YTHDC2: variants seen among roughly 807,000 people sequenced by gnomAD.
YTHDC2 encodes the protein YTH N6-methyladenosine RNA binding protein C2, also known as 3'-5' RNA helicase YTHDC2.
YTHDC2 carries 45 observed loss-of-function variants against 174.9 expected under a neutral mutation model. The observed-to-expected ratio is 0.26, with a 90% CI of 0.20 to 0.33. The LOEUF (loss-of-function observed/expected upper bound fraction) is 0.33, where lower values mean the gene tolerates loss of function less well. Among genes scored for constraint, YTHDC2 ranks in the 10% least tolerant of loss-of-function variants. The pLI, the probability that YTHDC2 is intolerant of heterozygous loss-of-function variation, is 1.00. For missense variants in YTHDC2, 1,650 were observed against 1,723.7 expected (o/e 0.96, Z 0.76); for synonymous variants, 657 against 574.5 (o/e 1.14, Z -2.05).
intron 2 of YTHDC2, among the ~76,000 whole-genome samples, chr5:113,522,096 A>G (rs921336199): frequency 1.3e-5 from 2 of 151,020 alleles, no homozygotes; most frequent in East Asian, 3.9e-4. Context: ...TATAAAATTA[A>G]GTACTTATTA....
intron 13 of YTHDC2, 74 bp from the exon 14 acceptor site, chr5:113,553,516 C>A: frequency 1.3e-6 from 2 of 1,531,364 alleles, no homozygotes; most frequent in Non-Finnish European, 1.8e-6. Flanking sequence ...ACATGTGATA[C>A]AGATTTTTAT....
intron 4 of YTHDC2, 37 bp downstream of exon 4, chr5:113,526,822 AAAAAAT>A (rs777850987): frequency 9.6e-4 from 337 of 351,362 alleles, no homozygotes; most frequent in Middle Eastern, 2.2e-3. Context: ...AAAAAAAAAA[AAAAAAT>A]ATATATATAT....
intron 25 of YTHDC2, chr5:113,582,041 G>A (rs1410013381): frequency 6.1e-6 from 1 of 164,528 alleles, no homozygotes; most frequent in Non-Finnish European, 1.3e-5. Context: ...CTTGATATAT[G>A]TGAAGTAACA....
In YTHDC2 at chr5:113,579,666, G is replaced by A; in HGVS notation, c.3325G>A (p.Glu1109Lys). 1 of 1,609,714 alleles carries A rather than the reference G, an allele frequency of 6.2e-7. No homozygotes were observed. The highest frequency in any genetic ancestry group is 8.5e-7 in the Non-Finnish European group (1 of 1,177,604). ...TAATTTGGCAGCCTTGAAACTTGAT[G>A]AGTGGCTCCATTTCACACTGGAGCC... ...TANLAALKLD[E>K]WLHFTLEPEA... Residue 1109 changes from glutamate (E) to lysine (K), a missense_variant, in exon 24 of 30, where the codon GAG becomes AAG. Physicochemically the swap from Glu to Lys is moderately conservative, Grantham distance 56 (BLOSUM62 1). Coordinates refer to ENST00000161863, the MANE Select transcript of YTHDC2 (RefSeq NM_022828.5).
chr5:113,513,986 GGCC>G lies in YTHDC2; in HGVS notation c.93_95del (p.Arg32del). 1 of 1,604,242 alleles carries G rather than the reference GGCC, an allele frequency of 6.2e-7. No homozygotes were observed. Among genetic ancestry groups the G allele is most frequent in the Non-Finnish European group, 8.5e-7 (1 of 1,176,320 alleles). On this transcript the variant is annotated inframe_deletion, in exon 1 of 30. Transcript: ENST00000161863. The stretch of plus-strand genomic sequence containing the variant: ...CTCGCCTTGTGGCCCTGGGGGCGGC[GGCC>G]GGGCCAAGGGGCTGAAGGACATTCG...
intron 17 of YTHDC2, among the ~76,000 whole-genome samples, chr5:113,558,568 G>A (rs755312775): frequency 5.3e-5 from 8 of 152,070 alleles, no homozygotes; most frequent in Non-Finnish European, 8.8e-5. Flanking sequence ...TTAAAAAATC[G>A]GACAGTAGTG....
intron 27 of YTHDC2, 96 bp downstream of exon 27, chr5:113,591,340 A>G: frequency 8.2e-7 from 1 of 1,216,060 alleles, no homozygotes; most frequent in Non-Finnish European, 1.2e-6. Context: ...TTGCATCAGA[A>G]TGCAAGAATG....
At chr5:113,541,607 T>G (rs1344676098) in intron 9 of YTHDC2, among the ~76,000 whole-genome samples, 1 of 152,178 alleles carries the variant, frequency 6.6e-6, no homozygotes, top group Non-Finnish European at 1.5e-5. Context: ...TACCCTTTTT[T>G]TGAGCATGTG....
In YTHDC2 at chr5:113,573,270, T is replaced by C. The variant is rs996736165; in HGVS notation, c.3244+5421T>C. Among the ~76,000 whole-genome samples, 6 of 152,186 alleles carry C rather than the reference T, an allele frequency of 3.9e-5. No homozygotes were observed. The South Asian group carries it at 1.0e-3, about 26-fold the overall frequency. ...ATGAAATTCTGGGTTGGAAATTCTT[T>C]TCTTTAAGAGTGTTGAATATTGGCC... On this transcript the variant is annotated intron_variant, in intron 23 of 29. Coordinates refer to ENST00000161863, the MANE Select transcript of YTHDC2 (RefSeq NM_022828.5).
At chr5:113,581,294 T>G (rs1778388757) in intron 24 of YTHDC2, 123 bp from the exon 25 acceptor site, 1 of 887,116 alleles carries the variant, frequency 1.1e-6, no homozygotes, top group Non-Finnish European at 1.6e-6. Flanking sequence ...AAATTAGTAG[T>G]AAATTATATG....
At chr5:113,551,236 C>T (rs183173928) in intron 12 of YTHDC2, among the ~76,000 whole-genome samples, 1 of 152,054 alleles carries the variant, frequency 6.6e-6, no homozygotes, top group Non-Finnish European at 1.5e-5. Context: ...ATTGTTAACA[C>T]TTTGAATGTT....
intron 5 of YTHDC2, 88 bp downstream of exon 5, chr5:113,533,133 A>T: frequency 6.9e-7 from 1 of 1,446,740 alleles, no homozygotes; most frequent in Non-Finnish European, 9.4e-7. Flanking sequence ...GTGTTCGTTG[A>T]AAAGTTAGGT....
chr5:113,517,263 A>T (rs1303230927), intron 2 of YTHDC2, among the ~76,000 whole-genome samples: 2 of 152,214 alleles, frequency 1.3e-5, no homozygotes, highest in Non-Finnish European at 2.9e-5. Context: ...CTGCAAACTT[A>T]AAAGTTTCCA....
chr5:113,586,787 C>T (rs1323863082), intron 26 of YTHDC2, among the ~76,000 whole-genome samples: 2 of 148,314 alleles, frequency 1.3e-5, no homozygotes, highest in African/African-American at 2.5e-5. Context: ...TACACTGACA[C>T]CTTTGTCAAA....
rs771218188 is a variant in YTHDC2 at position 113,525,036 on chromosome 5, C to T, written c.334C>T (p.His112Tyr). The T allele has an allele frequency of 1.9e-6, 3 of 1,611,322 alleles. No homozygotes were observed. The highest frequency in any genetic ancestry group is 1.7e-4 in the Middle Eastern group (1 of 6,050). Residue 112 changes from histidine (H) to tyrosine (Y), a missense_variant, in exon 3 of 30, where the codon CAT becomes TAT. His to Tyr is a moderately conservative substitution (Grantham distance 83). Transcript: ENST00000161863. ...GAAGAAAGATGGATCAGAAACAGCTCATGCAATGATGACCTGTAATTTGAC... is the reference window on the plus strand; with the variant it reads ...GAAGAAAGATGGATCAGAAACAGCTTATGCAATGATGACCTGTAATTTGAC... ...VKKKDGSETA[H>Y]AMMTCNLTHN... is the part of the protein sequence containing the mutation.
chr5:113,589,171 G>C (rs999339173), intron 26 of YTHDC2, among the ~76,000 whole-genome samples: 1 of 151,266 alleles, frequency 6.6e-6, no homozygotes, highest in Non-Finnish European at 1.5e-5. Context: ...TCCTTTCTGG[G>C]ACTCTGGATA....
chr5:113,561,753 C>T (rs1776990873), intron 18 of YTHDC2, among the ~76,000 whole-genome samples: 1 of 152,094 alleles, frequency 6.6e-6, no homozygotes, highest in Non-Finnish European at 1.5e-5. Flanking sequence ...AGGTGTGAGC[C>T]ACCGCACCCA....
At chr5:113,534,719 C>CA (rs201337332) in intron 6 of YTHDC2, among the ~76,000 whole-genome samples, 2 of 151,102 alleles carry the variant, frequency 1.3e-5, no homozygotes, top group Admixed American at 6.6e-5. Flanking sequence ...TTAGAGTTCT[C>CA]AAAAAAAAGG....
chr5:113,514,414 G>T, intron 1 of YTHDC2: 1 of 529,450 alleles, frequency 1.9e-6, no homozygotes, highest in Non-Finnish European at 3.6e-6. Context: ...TTAAGGGGGT[G>T]TCACCTAATT....
Sources: gnomAD v4.1 joint callset for allele counts (sites outside exome capture counted in the v4.1 genomes callset) on GRCh38, gnomAD v4.1.1 for gene constraint, MANE v1.5 for transcripts, NCBI Gene and HGNC (gene_info 2026-07-23, HGNC 2026-07-21) for gene names.